UBE3D: variants seen among roughly 807,000 people sequenced by gnomAD.
UBE3D encodes ubiquitin protein ligase E3D.
A neutral mutation model predicts 49.6 loss-of-function variants in UBE3D; 48 were observed. The observed-to-expected ratio is 0.97, with a 90% confidence interval of 0.77 to 1.23. UBE3D has a LOEUF of 1.23. Among genes scored for constraint, UBE3D ranks in the 50% most tolerant of loss-of-function variants. UBE3D has a pLI of 0.00. For missense variants in UBE3D, 452 were observed against 468.4 expected (o/e 0.96, Z 0.32); for synonymous variants, 189 against 174.2 (o/e 1.08, Z -0.67).
intron 8 of UBE3D, among the ~76,000 whole-genome samples, chr6:82,965,548 C>T (rs970905229): frequency 6.9e-6 from 1 of 144,760 alleles, no homozygotes; most frequent in African/African-American, 2.6e-5. Context: ...CCGCCATTGT[C>T]CTCCAGCCTG....
At chr6:82,965,335 G>A (rs1335867144) in intron 8 of UBE3D, among the ~76,000 whole-genome samples, 1 of 152,138 alleles carries the variant, frequency 6.6e-6, no homozygotes, top group Non-Finnish European at 1.5e-5. Flanking sequence ...TGTAATCCCA[G>A]CACTTTGGGA....
chr6:83,036,275 C>T (rs1013275154), intron 5 of UBE3D: 4 of 152,138 alleles, frequency 2.6e-5, no homozygotes, highest in African/African-American at 4.8e-5. Context: ...CTGCCCATCT[C>T]GGCCTCCCAA....
At chr6:83,021,100 G>T (rs962252113) in intron 7 of UBE3D, among the ~76,000 whole-genome samples, 1 of 152,134 alleles carries the variant, frequency 6.6e-6, no homozygotes, top group Non-Finnish European at 1.5e-5. Flanking sequence ...AATTGCCACT[G>T]TTTCTCAAAT....
At chr6:82,945,498 C>T (rs1044756376) in intron 9 of UBE3D, among the ~76,000 whole-genome samples, 3 of 152,172 alleles carry the variant, frequency 2.0e-5, no homozygotes, top group African/African-American at 7.2e-5. Context: ...CACCCAAGTC[C>T]TTTTGAATGC....
chr6:82,951,647 G>T (rs1414014775), intron 9 of UBE3D, among the ~76,000 whole-genome samples: 1 of 152,196 alleles, frequency 6.6e-6, no homozygotes, highest in African/African-American at 2.4e-5. Context: ...GTACAGAGTG[G>T]ATGAGTGCCA....
chr6:83,050,219 ATTAAT>A (rs1379273913), intron 3 of UBE3D, among the ~76,000 whole-genome samples: 1 of 147,946 alleles, frequency 6.8e-6, no homozygotes. Context: ...TATTTCTATA[ATTAAT>A]TTGACAAGAA....
At chr6:82,954,734 T>A in intron 9 of UBE3D, among the ~76,000 whole-genome samples, 1 of 152,306 alleles carries the variant, frequency 6.6e-6, no homozygotes, top group African/African-American at 2.4e-5. Context: ...CTCGCCATTA[T>A]AATAAATGAT....
chr6:82,987,395 T>C (rs1778597034), intron 8 of UBE3D, among the ~76,000 whole-genome samples: 2 of 152,210 alleles, frequency 1.3e-5, no homozygotes, highest in South Asian at 4.1e-4. Context: ...TACATAACTA[T>C]ATTATCCCAA....
intron 9 of UBE3D, among the ~76,000 whole-genome samples, chr6:82,950,021 C>A (rs1024995774): frequency 6.6e-6 from 1 of 152,024 alleles, no homozygotes; most frequent in African/African-American, 2.4e-5. Flanking sequence ...AATGAGATCA[C>A]ATCAAATTAA....
intron 7 of UBE3D, among the ~76,000 whole-genome samples, chr6:83,021,579 G>T (rs1225142171): frequency 6.6e-6 from 1 of 151,960 alleles, no homozygotes; most frequent in African/African-American, 2.4e-5. Flanking sequence ...TAAAAAACTT[G>T]ATTTTGGCTG....
At chr6:82,903,787 C>T (rs1481950497) in intron 9 of UBE3D, among the ~76,000 whole-genome samples, 2 of 152,026 alleles carry the variant, frequency 1.3e-5, no homozygotes, top group East Asian at 1.9e-4. Context: ...AGTAATTAGC[C>T]TGTTTGTTTT....
At chr6:82,998,603 A>G (rs766696971) in intron 8 of UBE3D, among the ~76,000 whole-genome samples, 20 of 152,184 alleles carry the variant, frequency 1.3e-4, no homozygotes, top group Admixed American at 1.3e-4. Context: ...TTCTTAATAT[A>G]TTTTAAGGGG....
At chr6:82,889,561 A>G (rs774496974), downstream of UBE3D, among the ~76,000 whole-genome samples, 1 of 152,196 alleles carries the variant, frequency 6.6e-6, no homozygotes, top group Non-Finnish European at 1.5e-5. Flanking sequence ...GAATTGAATT[A>G]TTTTAACCAT....
chr6:83,005,980 G>A (rs764939871), intron 8 of UBE3D, among the ~76,000 whole-genome samples: 4 of 152,080 alleles, frequency 2.6e-5, no homozygotes, highest in South Asian at 4.1e-4. Context: ...ATCCCAGTAC[G>A]TTGGGAGGCT....
intron 8 of UBE3D, among the ~76,000 whole-genome samples, chr6:82,963,795 C>T (rs189028394): frequency 6.6e-6 from 1 of 150,586 alleles, no homozygotes; most frequent in African/African-American, 2.4e-5. Context: ...TTCAACCCAA[C>T]TGAGTTGACA....
intron 8 of UBE3D, among the ~76,000 whole-genome samples, chr6:83,002,568 C>T (rs1272699536): frequency 1.3e-5 from 2 of 152,174 alleles, no homozygotes; most frequent in African/African-American, 4.8e-5. Flanking sequence ...ACCTGTAATC[C>T]CAGCTACTTG....
At chr6:83,038,548 T>G in intron 4 of UBE3D, 63 bp from the exon 5 acceptor site, 3 of 1,374,590 alleles carry the variant, frequency 2.2e-6, no homozygotes, top group Non-Finnish European at 3.1e-6. Flanking sequence ...ATATATAATT[T>G]TAACATAGTC....
chr6:82,893,712 A>T (rs1472681791), intron 9 of UBE3D, among the ~76,000 whole-genome samples: 2 of 152,200 alleles, frequency 1.3e-5, no homozygotes, highest in Non-Finnish European at 2.9e-5. Flanking sequence ...TCAAGTATAG[A>T]GCAGAGATAG....
intron 8 of UBE3D, among the ~76,000 whole-genome samples, chr6:82,965,855 T>C (rs1399864297): frequency 6.6e-6 from 1 of 152,170 alleles, no homozygotes; most frequent in African/African-American, 2.4e-5. Context: ...TTGTTTCATT[T>C]GTATCTCCAC....
Sources: gnomAD v4.1 joint callset for allele counts (sites outside exome capture counted in the v4.1 genomes callset) on GRCh38, gnomAD v4.1.1 for gene constraint, MANE v1.5 for transcripts, NCBI Gene and HGNC (gene_info 2026-07-23, HGNC 2026-07-21) for gene names.